Variants in ZMAT4 observed in about 807,000 individuals in gnomAD.
ZMAT4 encodes the protein zinc finger matrin-type 4.
Under a neutral mutation model 28.7 loss-of-function variants are expected in ZMAT4, and 17 were observed. The observed-to-expected ratio is 0.59, with a 90% CI of 0.41 to 0.89. ZMAT4 has a LOEUF of 0.89. ZMAT4 is among the 40% of genes least tolerant of loss of function. ZMAT4 has a pLI of 0.00. For missense variants in ZMAT4, 240 were observed against 283.8 expected, an observed-to-expected ratio of 0.85 and a Z score of 1.11; for synonymous variants, 117 against 109.2, an observed-to-expected ratio of 1.07 and a Z score of -0.44.
chr8:40,832,134 G>C (rs1280918732), intron 1 of ZMAT4, among the ~76,000 whole-genome samples: 1 of 152,106 alleles, frequency 6.6e-6, no homozygotes, highest in Admixed American at 6.5e-5. Flanking sequence ...ATGCCCTTCA[G>C]TTTGTCCCCT....
intron 2 of ZMAT4, among the ~76,000 whole-genome samples, chr8:40,808,087 A>G (rs375617533): frequency 6.6e-6 from 1 of 152,188 alleles, no homozygotes; most frequent in South Asian, 2.1e-4. Context: ...GCTTATTATT[A>G]TATGGATTTT....
chr8:40,825,282 G>C (rs1815990281), intron 2 of ZMAT4, among the ~76,000 whole-genome samples: 1 of 152,154 alleles, frequency 6.6e-6, no homozygotes, highest in African/African-American at 2.4e-5. Context: ...TGGATGCACA[G>C]TGACAGATTT....
intron 5 of ZMAT4, among the ~76,000 whole-genome samples, chr8:40,661,475 T>C (rs973769964): frequency 1.3e-5 from 2 of 152,234 alleles, no homozygotes; most frequent in African/African-American, 4.8e-5. Context: ...TGAGTAAACC[T>C]GACATTTGTT....
chr8:40,616,057 C>A (rs563068735), intron 5 of ZMAT4, among the ~76,000 whole-genome samples: 1 of 152,084 alleles, frequency 6.6e-6, no homozygotes, highest in African/African-American at 2.4e-5. Flanking sequence ...GCAAACAACC[C>A]CATCAAAAAG....
At chr8:40,842,491 G>A (rs567456669) in intron 1 of ZMAT4, among the ~76,000 whole-genome samples, 12 of 152,204 alleles carry the variant, frequency 7.9e-5, no homozygotes, top group South Asian at 2.1e-4. Flanking sequence ...ACAGAATTCC[G>A]GATTTCACAG....
intron 5 of ZMAT4, among the ~76,000 whole-genome samples, chr8:40,647,815 C>G (rs1382805677): frequency 1.3e-5 from 2 of 152,186 alleles, no homozygotes; most frequent in Non-Finnish European, 2.9e-5. Context: ...AGCAGGGGCA[C>G]ACTGACACCT....
chr8:40,706,953 G>A (rs967380652), intron 3 of ZMAT4, among the ~76,000 whole-genome samples: 3 of 151,976 alleles, frequency 2.0e-5, no homozygotes, highest in Admixed American at 2.0e-4. Context: ...CTCTGCCCTG[G>A]CACATAGTAA....
rs189147706 is a variant in ZMAT4 at position 40,709,684 on chromosome 8, T to G, written c.193-12283A>C. ...TCTCATGAGCTGTCTCTGATGTGCC[T>G]ACTAGAATGTAAGATTGATTTTAAT... On this transcript the variant is annotated intron_variant, in intron 3 of 6. Coordinates refer to ENST00000297737, the MANE Select transcript of ZMAT4 (RefSeq NM_024645.3). Among the ~76,000 whole-genome samples, 468 of 152,332 alleles carry G rather than the reference T, an allele frequency of 3.1e-3. 2 individuals carry two copies. The highest frequency in any genetic ancestry group is 9.5e-3 in the African/African-American group (394 of 41,580).
intron 2 of ZMAT4, among the ~76,000 whole-genome samples, chr8:40,814,910 A>C (rs1333919916): frequency 2.0e-5 from 3 of 152,372 alleles, no homozygotes; most frequent in South Asian, 2.1e-4. Flanking sequence ...CAAAGACTTC[A>C]AGAACAAATA....
Position 40,767,623 on chromosome 8 carries a change from G to C in ZMAT4, c.192+18C>G. The C allele has an allele frequency of 6.2e-7, 1 of 1,601,806 alleles. No individual in the cohort carries two copies. Among genetic ancestry groups the C allele is most frequent in the Admixed American group, 1.7e-5 (1 of 58,728 alleles). ...AGAACAAATCATCTGAGGATATCAC[G>C]TGGTACCAGATACTCACATTTTCTG... On this transcript the variant is annotated intron_variant, in intron 3 of 6. Transcript: ENST00000297737.
chr8:40,894,612 G>A (rs2150674207), intron 1 of ZMAT4, among the ~76,000 whole-genome samples: 1 of 152,174 alleles, frequency 6.6e-6, no homozygotes, highest in East Asian at 1.9e-4. Context: ...AGCAGAGTGT[G>A]GTGAATACAT....
chr8:40,588,900 AC>A (rs1804759062), intron 5 of ZMAT4, among the ~76,000 whole-genome samples: 1 of 152,192 alleles, frequency 6.6e-6, no homozygotes, highest in Non-Finnish European at 1.5e-5. Context: ...GCCCATCAAC[AC>A]AAGAATTGAT....
At chr8:40,662,045 T>C (rs1181327628) in intron 5 of ZMAT4, among the ~76,000 whole-genome samples, 2 of 152,200 alleles carry the variant, frequency 1.3e-5, no homozygotes, top group Non-Finnish European at 2.9e-5. Flanking sequence ...GGTGCAGTCA[T>C]GACTCACTGT....
intron 3 of ZMAT4, among the ~76,000 whole-genome samples, chr8:40,705,717 T>C (rs1810322730): frequency 6.6e-6 from 1 of 152,206 alleles, no homozygotes; most frequent in Non-Finnish European, 1.5e-5. Flanking sequence ...ATAGCAATAA[T>C]TTTTGTGGCA....
At chr8:40,591,126 A>C (rs1210629251) in intron 5 of ZMAT4, among the ~76,000 whole-genome samples, 1 of 152,154 alleles carries the variant, frequency 6.6e-6, no homozygotes, top group Non-Finnish European at 1.5e-5. Context: ...CATATATTGT[A>C]GAAAATTCAG....
intron 1 of ZMAT4, among the ~76,000 whole-genome samples, chr8:40,851,289 T>C (rs1190720341): frequency 4.6e-5 from 7 of 152,136 alleles, no homozygotes; most frequent in East Asian, 3.9e-4. Flanking sequence ...GATTGCACCA[T>C]TGCTCTCCAG....
chr8:40,588,749 A>C (rs1804753513), intron 5 of ZMAT4, among the ~76,000 whole-genome samples: 1 of 152,192 alleles, frequency 6.6e-6, no homozygotes, highest in African/African-American at 2.4e-5. Flanking sequence ...CTACCTTATG[A>C]CAAGAAATGT....
intron 5 of ZMAT4, among the ~76,000 whole-genome samples, chr8:40,658,399 G>A (rs1047797886): frequency 6.6e-6 from 1 of 152,038 alleles, no homozygotes; most frequent in Non-Finnish European, 1.5e-5. Context: ...AAAGCCGGCA[G>A]CAAACTTAGG....
intron 1 of ZMAT4, among the ~76,000 whole-genome samples, chr8:40,895,527 A>AT (rs1322223020): frequency 6.6e-6 from 1 of 152,114 alleles, no homozygotes; most frequent in Non-Finnish European, 1.5e-5. Context: ...TCTGTTCCGA[A>AT]TGGGGAAATA....
Sources: allele counts gnomAD v4.1 joint callset (sites outside exome capture counted in the v4.1 genomes callset), GRCh38; gene constraint gnomAD v4.1.1; transcripts MANE v1.5; gene names NCBI Gene and HGNC (gene_info 2026-07-23, HGNC 2026-07-21).